PTPRT: variants seen among roughly 807,000 people sequenced by gnomAD.
PTPRT encodes receptor-type tyrosine-protein phosphatase T.
In PTPRT, 56 loss-of-function variants were observed where a neutral mutation model predicts 176.8. That is an observed-to-expected ratio of 0.32 (90% confidence interval 0.26 to 0.40). The LOEUF is 0.40. Ranked by LOEUF, PTPRT falls within the 10% of genes least tolerant of loss-of-function variation. The probability of loss-of-function intolerance (pLI) is 1.00; values close to 1 mark genes in which losing one functional copy is unlikely to be tolerated. For missense variants in PTPRT, 1,540 were observed against 1,908.2 expected, an observed-to-expected ratio of 0.81 and a Z score of 3.60; for synonymous variants, 783 against 739.0, an observed-to-expected ratio of 1.06 and a Z score of -0.96.
intron 7 of PTPRT, among the ~76,000 whole-genome samples, chr20:42,508,918 A>T (rs985682176): frequency 4.1e-5 from 6 of 144,874 alleles, no homozygotes; most frequent in Admixed American, 2.1e-4. Context: ...ATAATTTATA[A>T]ATATAAATAA....
intron 1 of PTPRT, among the ~76,000 whole-genome samples, chr20:43,107,080 G>A (rs138645339): frequency 1.7e-3 from 254 of 152,202 alleles, no homozygotes; most frequent in African/African-American, 5.8e-3. Flanking sequence ...GTGAGCCACC[G>A]CACCTGGCCA....
At chr20:43,032,277 A>G (rs1986168576) in intron 1 of PTPRT, among the ~76,000 whole-genome samples, 1 of 152,076 alleles carries the variant, frequency 6.6e-6, no homozygotes. Flanking sequence ...TCAAGTGCTC[A>G]GTGGTCACAT....
intron 14 of PTPRT, among the ~76,000 whole-genome samples, chr20:42,242,242 T>C (rs2056369249): frequency 6.6e-6 from 1 of 152,242 alleles, no homozygotes; most frequent in African/African-American, 2.4e-5. Context: ...GAACCATTAA[T>C]GCTTAATGTT....
chr20:42,057,876 G>C, the PTPRT span, among the ~76,000 whole-genome samples: 1 of 152,172 alleles, frequency 6.6e-6, no homozygotes, highest in Non-Finnish European at 1.5e-5. Flanking sequence ...TATAAGACAC[G>C]CCCAGCCTGT....
chr20:42,364,301 C>G (rs1467688137), intron 9 of PTPRT, among the ~76,000 whole-genome samples: 2 of 152,108 alleles, frequency 1.3e-5, no homozygotes, highest in Non-Finnish European at 2.9e-5. Context: ...TTTCATTCAG[C>G]ATTTTTCTCA....
chr20:42,736,089 T>G (rs952140182), intron 6 of PTPRT, among the ~76,000 whole-genome samples: 6 of 152,196 alleles, frequency 3.9e-5, no homozygotes, highest in African/African-American at 1.2e-4. Context: ...AATAAACAGA[T>G]AGTTGGACAC....
At chr20:43,000,554 G>T (rs6130277) in intron 1 of PTPRT, among the ~76,000 whole-genome samples, 1 of 151,994 alleles carries the variant, frequency 6.6e-6, no homozygotes, top group East Asian at 1.9e-4. Context: ...ACATGATAGA[G>T]CTAGGAAAAA....
In PTPRT at chr20:42,074,712, C is replaced by T; in HGVS notation, c.*6167G>A. The T allele has an allele frequency of 5.0e-6, 2 of 398,474 alleles. No homozygotes were observed. Among genetic ancestry groups the T allele is most frequent in the Non-Finnish European group, 8.8e-6 (2 of 226,010 alleles). The allele number at this position is 398,474 out of a possible 1,614,324, so 24.7% of individuals were successfully genotyped here. A position where few individuals can be genotyped will look rare whatever the true frequency, so the allele number is the denominator to read the frequency against. ...GCTACCATTGTGAGTGTTGATGCCT[C>T]CTTTTAGAGACCTAACATTCATGAG... On this transcript the variant is annotated 3_prime_UTR_variant, in exon 31 of 31. Transcript: ENST00000373187.
At chr20:42,523,359 G>T (rs919366661) in intron 7 of PTPRT, among the ~76,000 whole-genome samples, 2 of 152,136 alleles carry the variant, frequency 1.3e-5, no homozygotes, top group African/African-American at 4.8e-5. Flanking sequence ...AATGAACACA[G>T]AATTCATTTT....
chr20:42,994,572 C>T (rs539504546), intron 1 of PTPRT, among the ~76,000 whole-genome samples: 30 of 152,184 alleles, frequency 2.0e-4, no homozygotes, highest in Admixed American at 3.9e-4. Flanking sequence ...ATGCCAGGCA[C>T]ACATCCCAAC....
chr20:42,713,192 T>C (rs187266436), intron 6 of PTPRT, among the ~76,000 whole-genome samples: 114 of 151,056 alleles, frequency 7.5e-4, no homozygotes, highest in African/African-American at 2.5e-3. Flanking sequence ...CAGAGTAACA[T>C]TGGTAATCTC....
At position 42,687,737 on chromosome 20, in the gene PTPRT, T is replaced by C. The variant is rs2075722483; in HGVS notation, c.860-9578A>G. On this transcript the variant is annotated intron_variant, in intron 6 of 30. Coordinates refer to ENST00000373187, the MANE Select transcript of PTPRT (RefSeq NM_007050.6). ...CCACCTCAGCCAAGCAGCCCTGCTA[T>C]GAAGAATGGGGTGAAAGAAACTCTT... is the stretch of plus-strand genomic sequence containing the variant. 2.6e-5 allele frequency: 4 copies of C among 152,140 alleles called. No individual in the cohort carries two copies. The South Asian group carries it at 6.2e-4, about 24-fold the overall frequency. The allele number at this position is 152,140 out of a possible 1,614,324, so 9.4% of individuals were successfully genotyped here.
intron 1 of PTPRT, among the ~76,000 whole-genome samples, chr20:43,151,118 C>A (rs938945165): frequency 9.9e-5 from 15 of 151,856 alleles, no homozygotes; most frequent in African/African-American, 3.4e-4. Flanking sequence ...ACCAGCCTAA[C>A]CAACATGGAG....
At chr20:42,920,847 A>T (rs1425485968) in intron 1 of PTPRT, among the ~76,000 whole-genome samples, 1 of 152,252 alleles carries the variant, frequency 6.6e-6, no homozygotes, top group African/African-American at 2.4e-5. Context: ...GGGTTTAATT[A>T]AACTGAGCAA....
chr20:42,571,842 GA>G (rs937069827), intron 7 of PTPRT, among the ~76,000 whole-genome samples: 3 of 152,136 alleles, frequency 2.0e-5, no homozygotes, highest in African/African-American at 7.2e-5. Flanking sequence ...CCCCTGGAAA[GA>G]ATGCCCCAGC....
At chr20:42,192,862 G>A (rs570893586) in intron 16 of PTPRT, among the ~76,000 whole-genome samples, 28 of 152,266 alleles carry the variant, frequency 1.8e-4, no homozygotes, top group African/African-American at 6.7e-4. Flanking sequence ...TTCCTAAGAG[G>A]GTCCTAGTAG....
At chr20:42,914,437 G>T (rs187284363) in intron 1 of PTPRT, among the ~76,000 whole-genome samples, 1 of 152,228 alleles carries the variant, frequency 6.6e-6, no homozygotes, top group Admixed American at 6.5e-5. Context: ...ACAGTCCGTG[G>T]ATCCTTAAAA....
chr20:42,150,714 C>T (rs1989088750), intron 17 of PTPRT, among the ~76,000 whole-genome samples: 1 of 152,110 alleles, frequency 6.6e-6, no homozygotes, highest in South Asian at 2.1e-4. Context: ...TGTCAATAAA[C>T]GTTTCTGAAA....
At chr20:42,694,605 T>C (rs1256935524) in intron 6 of PTPRT, among the ~76,000 whole-genome samples, 1 of 152,196 alleles carries the variant, frequency 6.6e-6, no homozygotes, top group Non-Finnish European at 1.5e-5. Context: ...TTCAGAACTA[T>C]CAAACTGCTT....
Sources: gnomAD v4.1 joint callset for allele counts (sites outside exome capture counted in the v4.1 genomes callset) on GRCh38, gnomAD v4.1.1 for gene constraint, MANE v1.5 for transcripts, NCBI Gene and HGNC (gene_info 2026-07-23, HGNC 2026-07-21) for gene names.